RBFOX1: variants seen among roughly 807,000 people sequenced by gnomAD.
RBFOX1 encodes RNA binding fox-1 homolog 1, also known as RNA binding protein fox-1 homolog 1.
Under a neutral mutation model 57.7 loss-of-function variants are expected in RBFOX1, and 8 were observed. The ratio of observed to expected loss-of-function variants is 0.14; its 90% CI spans 0.08 to 0.25. The LOEUF (loss-of-function observed/expected upper bound fraction) is 0.25, where lower values mean the gene tolerates loss of function less well. Ranked by LOEUF, RBFOX1 falls within the 10% of genes least tolerant of loss-of-function variation. RBFOX1 has a pLI of 1.00. For synonymous variants in RBFOX1, 326 were observed against 222.4 expected (o/e 1.47, Z -4.15); for missense variants, 611 against 548.5 (o/e 1.11, Z -1.14).
intron 1 of RBFOX1, among the ~76,000 whole-genome samples, chr16:6,238,535 T>C (rs2097523411): frequency 6.6e-6 from 1 of 152,156 alleles, no homozygotes; most frequent in Non-Finnish European, 1.5e-5. Context: ...ATCCGTAGCT[T>C]TCATGACCCA....
intron 4 of RBFOX1, among the ~76,000 whole-genome samples, chr16:6,011,909 A>G (rs2094963383): frequency 3.3e-5 from 5 of 152,226 alleles, no homozygotes; most frequent in Admixed American, 3.3e-4. Context: ...CACTCAGCCC[A>G]ATATGAAGCA....
chr16:7,639,853 C>T (rs1015196686), intron 11 of RBFOX1, among the ~76,000 whole-genome samples: 18 of 152,116 alleles, frequency 1.2e-4, no homozygotes, highest in Non-Finnish European at 1.6e-4. Flanking sequence ...CCATGCTCTC[C>T]CTGCCACCTC....
intron 3 of RBFOX1, among the ~76,000 whole-genome samples, chr16:5,799,058 A>G (rs922623479): frequency 1.3e-5 from 2 of 152,206 alleles, no homozygotes; most frequent in Non-Finnish European, 2.9e-5. Context: ...TTTGTAAAGA[A>G]AAAGAGTTTT....
chr16:5,248,596 T>C (rs1401487014), intron 1 of RBFOX1, among the ~76,000 whole-genome samples: 1 of 151,750 alleles, frequency 6.6e-6, no homozygotes, highest in Admixed American at 6.6e-5. Flanking sequence ...GCCAGGGCCG[T>C]GGAGCGCTTG....
intron 1 of RBFOX1, among the ~76,000 whole-genome samples, chr16:6,312,355 C>A (rs4786855): frequency 0.31 from 47,061 of 151,906 alleles, 7,785 homozygotes; most frequent in Middle Eastern, 0.4. Context: ...CCACTCTCTT[C>A]TTCTTCTCTC....
intron 3 of RBFOX1, among the ~76,000 whole-genome samples, chr16:6,931,320 T>TCTAC (rs1256253867): frequency 2.3e-5 from 3 of 128,726 alleles, no homozygotes; most frequent in African/African-American, 1.0e-4. Context: ...TATCTATCTA[T>TCTAC]CTATCTATCT....
intron 4 of RBFOX1, among the ~76,000 whole-genome samples, chr16:7,177,100 C>T (rs1462545550): frequency 6.6e-6 from 1 of 152,186 alleles, no homozygotes; most frequent in Non-Finnish European, 1.5e-5. Flanking sequence ...TCGGAGACAA[C>T]TCCATTTAGT....
chr16:6,046,643 TAGGG>T (rs1256210416), intron 1 of RBFOX1, among the ~76,000 whole-genome samples: 1 of 152,180 alleles, frequency 6.6e-6, no homozygotes. Flanking sequence ...GGCCCAAGGT[TAGGG>T]AGGCAACTTT....
intron 3 of RBFOX1, among the ~76,000 whole-genome samples, chr16:5,609,879 G>A (rs1314075175): frequency 6.6e-6 from 1 of 151,120 alleles, no homozygotes; most frequent in Admixed American, 6.6e-5. Context: ...GACGGTGGGG[G>A]CGGGGTGGAA....
At chr16:7,046,677 C>G (rs1050628789) in intron 3 of RBFOX1, among the ~76,000 whole-genome samples, 15 of 143,630 alleles carry the variant, frequency 1.0e-4, no homozygotes, top group African/African-American at 3.9e-4. Flanking sequence ...ATGATCTCGG[C>G]TCACTGCAAC....
chr16:5,303,473 A>T (rs566916217), intron 1 of RBFOX1, among the ~76,000 whole-genome samples: 5 of 152,230 alleles, frequency 3.3e-5, no homozygotes, highest in African/African-American at 1.2e-4. Flanking sequence ...TTTCCATCAC[A>T]GCTGCTTCCC....
chr16:5,680,373 A>G (rs754249117), intron 3 of RBFOX1, among the ~76,000 whole-genome samples: 3 of 152,222 alleles, frequency 2.0e-5, no homozygotes, highest in Non-Finnish European at 2.9e-5. Context: ...GTTTAATTTC[A>G]GATCTCTCTT....
intron 3 of RBFOX1, among the ~76,000 whole-genome samples, chr16:6,868,455 C>G (rs149139655): frequency 2.0e-4 from 30 of 151,294 alleles, no homozygotes; most frequent in East Asian, 9.8e-4. Flanking sequence ...CACATTCAAG[C>G]CAGTGTTTCA....
chr16:7,358,612 G>T (rs946376526), intron 4 of RBFOX1, among the ~76,000 whole-genome samples: 5 of 152,066 alleles, frequency 3.3e-5, no homozygotes, highest in African/African-American at 1.2e-4. Context: ...TAGAGACAGG[G>T]TTTCACCATG....
At chr16:7,710,592 A>AAAAC (rs1283186980) in intron 15 of RBFOX1, 31 bp from the exon 16 acceptor site, 3 of 1,608,932 alleles carry the variant, frequency 1.9e-6, no homozygotes, top group Non-Finnish European at 1.7e-6. Context: ...GAAAATGTAA[A>AAAAC]AAACACACCC....
intron 4 of RBFOX1, among the ~76,000 whole-genome samples, chr16:7,485,281 T>A (rs1054845772): frequency 6.6e-6 from 1 of 152,232 alleles, no homozygotes; most frequent in African/African-American, 2.4e-5. Flanking sequence ...TTTTCCCTCA[T>A]GTTTCCAGGC....
chr16:5,710,693 T>C (rs539250759), intron 3 of RBFOX1, among the ~76,000 whole-genome samples: 61 of 152,312 alleles, frequency 4.0e-4, no homozygotes, highest in African/African-American at 1.4e-3. Flanking sequence ...CATGCTGACA[T>C]TGTCTCAGAC....
chr16:6,489,684 G>A (rs1298026660), intron 2 of RBFOX1, among the ~76,000 whole-genome samples: 1 of 152,092 alleles, frequency 6.6e-6, no homozygotes, highest in African/African-American at 2.4e-5. Flanking sequence ...GAGGAAAACG[G>A]ACTTACCTGT....
At chr16:5,812,444 A>G (rs1391102472) in intron 3 of RBFOX1, among the ~76,000 whole-genome samples, 17 of 146,544 alleles carry the variant, frequency 1.2e-4, no homozygotes, top group Admixed American at 1.1e-3. Flanking sequence ...CACCAACATG[A>G]TCAGTCTTTT....
Sources: allele counts gnomAD v4.1 joint callset (sites outside exome capture counted in the v4.1 genomes callset), GRCh38; gene constraint gnomAD v4.1.1; transcripts MANE v1.5; gene names NCBI Gene and HGNC (gene_info 2026-07-23, HGNC 2026-07-21).